Variants in EPHX1 observed in about 807,000 individuals in gnomAD.
EPHX1 encodes epoxide hydrolase 1.
In EPHX1, 40 loss-of-function variants were observed where a neutral mutation model predicts 43.2. The observed-to-expected ratio is 0.93, with a 90% CI of 0.72 to 1.21. The LOEUF (loss-of-function observed/expected upper bound fraction) is 1.21. Among genes scored for constraint, EPHX1 ranks in the 50% most tolerant of loss-of-function variants. The pLI, the probability that EPHX1 is intolerant of heterozygous loss-of-function variation, is 0.00. For missense variants in EPHX1, 550 were observed against 570.4 expected, an observed-to-expected ratio of 0.96 and a Z score of 0.36; for synonymous variants, 221 against 226.7, an observed-to-expected ratio of 0.98 and a Z score of 0.22.
chr1:225,842,025 T>C (rs532543038), intron 6 of EPHX1, among the ~76,000 whole-genome samples: 26 of 152,334 alleles, frequency 1.7e-4, no homozygotes, highest in African/African-American at 5.5e-4. Flanking sequence ...TCAGAGCACA[T>C]AGACTGAAAA....
At chr1:225,836,876 G>A (rs779460522) in intron 3 of EPHX1, among the ~76,000 whole-genome samples, 1 of 152,176 alleles carries the variant, frequency 6.6e-6, no homozygotes, top group Non-Finnish European at 1.5e-5. Context: ...ACAGCAGAGC[G>A]CCGTCAGTGT....
In EPHX1 at chr1:225,845,314, C is replaced by T. The variant is rs754328846; in HGVS notation, c.1335C>T (p.Ile445=). The T allele has an allele frequency of 6.2e-7, 1 of 1,612,160 alleles. No individual in the cohort carries two copies. Among genetic ancestry groups the T allele is most frequent in the Admixed American group, 1.7e-5 (1 of 60,016 alleles). The change falls in exon 9 of 9, where the codon ATC becomes ATT. Residue 445 remains isoleucine, a synonymous_variant. Coordinates refer to ENST00000272167, the MANE Select transcript of EPHX1 (RefSeq NM_001136018.4). ...AGCCGGAGCTGCTCGCCCAGGACAT[C>T]CGCAAGTTCCTGTCGGTGCTGGAGC... ...FEEPELLAQD[I]RKFLSVLERQ
At chr1:225,834,816 G>A (rs565438229) in intron 3 of EPHX1, among the ~76,000 whole-genome samples, 1 of 152,290 alleles carries the variant, frequency 6.6e-6, no homozygotes, top group East Asian at 1.9e-4. Context: ...TTGGATCCCT[G>A]TGTTGTCCCA....
chr1:225,834,589 TAAA>T (rs33985896), intron 3 of EPHX1, among the ~76,000 whole-genome samples: 1 of 121,180 alleles, frequency 8.3e-6, no homozygotes, highest in Non-Finnish European at 1.7e-5. Flanking sequence ...CCAAGAACAC[TAAA>T]AAAAAAAAAA....
chr1:225,815,720 C>T (rs113822637), intron 1 of EPHX1, among the ~76,000 whole-genome samples: 6 of 152,308 alleles, frequency 3.9e-5, no homozygotes, highest in South Asian at 2.1e-4. Flanking sequence ...CCCTGGTCCT[C>T]GGGCTGCCCT....
intron 1 of EPHX1, among the ~76,000 whole-genome samples, chr1:225,813,530 A>G (rs1309564757): frequency 6.6e-6 from 1 of 152,224 alleles, no homozygotes; most frequent in African/African-American, 2.4e-5. Context: ...CAACAAGGAG[A>G]AAACTGCGCA....
In EPHX1 at chr1:225,845,330, G is replaced by A. The variant is rs745944694; in HGVS notation, c.1351G>A (p.Val451Met). The A allele has an allele frequency of 3.7e-6, 6 of 1,610,908 alleles. No homozygotes were observed. Among genetic ancestry groups the A allele is most frequent in the East Asian group, 4.5e-5 (2 of 44,862 alleles). ...CCAGGACATCCGCAAGTTCCTGTCG[G>A]TGCTGGAGCGGCAATGACCCACCCC... ...LAQDIRKFLS[V>M]LERQ The change falls in exon 9 of 9, where the codon GTG (valine) becomes ATG (methionine). Residue 451 changes from valine to methionine, a missense_variant. Physicochemically the swap from Val to Met is conservative, Grantham distance 21. Transcript: ENST00000272167.
intron 2 of EPHX1, among the ~76,000 whole-genome samples, chr1:225,831,366 T>C (rs1469414592): frequency 1.3e-5 from 2 of 151,994 alleles, no homozygotes; most frequent in African/African-American, 4.8e-5. Flanking sequence ...CTGGCCAACA[T>C]GGCAAAACCC....
At position 225,831,799 on chromosome 1, in the gene EPHX1, T is replaced by C. The variant is rs2234698; in HGVS notation, c.204T>C (p.Asp68=). 0.018 allele frequency: 29,148 copies of C among 1,614,094 alleles called. 321 individuals carry two copies. The highest frequency in any genetic ancestry group is 0.023 in the Non-Finnish European group (26,754 of 1,180,004). The change falls in exon 3 of 9, where the codon GAT becomes GAC. Residue 68 remains aspartate, a synonymous_variant. Coordinates refer to ENST00000272167, the MANE Select transcript of EPHX1 (RefSeq NM_001136018.4). ...EEIHDLHQRI[D]KFRFTPPLED... is the part of the protein sequence containing the mutation. ...TCCAGGACTTACACCAGAGGATCGA[T>C]AAGTTCCGTTTCACCCCACCTTTGG...
At chr1:225,818,905 A>G (rs1001188526) in intron 1 of EPHX1, among the ~76,000 whole-genome samples, 3 of 145,488 alleles carry the variant, frequency 2.1e-5, no homozygotes, top group African/African-American at 5.1e-5. Flanking sequence ...CCTGGGCAAT[A>G]TAGTGAGAAC....
chr1:225,832,875 C>A (rs1383639330), intron 3 of EPHX1, among the ~76,000 whole-genome samples: 1 of 152,154 alleles, frequency 6.6e-6, no homozygotes, highest in Non-Finnish European at 1.5e-5. Flanking sequence ...CTGTTCATGT[C>A]TTTTGTCCAT....
chr1:225,819,090 A>G (rs12093546), intron 1 of EPHX1, among the ~76,000 whole-genome samples: 20,822 of 39,526 alleles, frequency 0.53, 5,417 homozygotes, highest in East Asian at 1. Context: ...AGCCGGGCGT[A>G]GTGGCGGGCG....
chr1:225,830,713 C>T (rs1231534706), intron 2 of EPHX1, among the ~76,000 whole-genome samples: 1 of 152,194 alleles, frequency 6.6e-6, no homozygotes, highest in African/African-American at 2.4e-5. Context: ...GATCCACCTG[C>T]CTTGGCCTCC....
intron 1 of EPHX1, among the ~76,000 whole-genome samples, chr1:225,828,071 C>T (rs981264816): frequency 1.3e-5 from 2 of 152,126 alleles, no homozygotes; most frequent in Non-Finnish European, 2.9e-5. Context: ...GGCTGTCGGG[C>T]GCCGTGGCTC....
Position 225,828,875 on chromosome 1 carries a change from G to A in EPHX1, c.146G>A (p.Arg49His), listed in dbSNP as rs1410342285. 1.1e-5 allele frequency: 18 copies of A among 1,599,710 alleles called. 1 individual carries two copies. Among genetic ancestry groups the A allele is most frequent in the Non-Finnish European group, 1.4e-5 (16 of 1,171,306 alleles). ...GCAGCCAGGGAGGACGACAGCATCC[G>A]CCCTTTCAAGGTGGAAACGTCAGAT... is the stretch of plus-strand genomic sequence containing the variant. The part of the protein sequence containing the change: ...RSAAREDDSI[R>H]PFKVETSDEE... Residue 49 changes from arginine (R) to histidine (H), a missense_variant, in exon 2 of 9, where the codon CGC (arginine) becomes CAC (histidine). Transcript: ENST00000272167.
chr1:225,831,751 C>G, intron 2 of EPHX1, 28 bp from the exon 3 acceptor site: 1 of 1,612,280 alleles, frequency 6.2e-7, no homozygotes, highest in Non-Finnish European at 8.5e-7. Context: ...CCATCCCTCT[C>G]AACTTGGGGT....
chr1:225,834,589 T>TTAA (rs1553485439), intron 3 of EPHX1, among the ~76,000 whole-genome samples: 5 of 121,182 alleles, frequency 4.1e-5, no homozygotes, highest in African/African-American at 1.3e-4. Flanking sequence ...CCAAGAACAC[T>TTAA]AAAAAAAAAA....
intron 8 of EPHX1, 138 bp from the exon 9 acceptor site, chr1:225,845,008 C>G: frequency 1.0e-6 from 1 of 973,816 alleles, no homozygotes; most frequent in South Asian, 1.3e-5. Context: ...GGTTGAGACC[C>G]TGGATTTGTC....
intron 3 of EPHX1, among the ~76,000 whole-genome samples, chr1:225,833,505 A>G (rs955618339): frequency 3.9e-5 from 6 of 152,092 alleles, no homozygotes; most frequent in Non-Finnish European, 5.9e-5. Context: ...TCTTAAAAAA[A>G]GAGAGAGAGG....
Sources: gnomAD v4.1 joint callset for allele counts (sites outside exome capture counted in the v4.1 genomes callset) on GRCh38, gnomAD v4.1.1 for gene constraint, MANE v1.5 for transcripts, NCBI Gene and HGNC (gene_info 2026-07-23, HGNC 2026-07-21) for gene names.